Variants in PLOD1 observed in about 807,000 individuals in gnomAD.
The protein encoded by PLOD1 is procollagen-lysine,2-oxoglutarate 5-dioxygenase 1, also known as lysine hydroxylase.
A neutral mutation model predicts 94.7 loss-of-function variants in PLOD1; 70 were observed. The observed-to-expected ratio is 0.74, with a 90% confidence interval of 0.61 to 0.90. PLOD1 has a LOEUF of 0.90. PLOD1 is among the 40% of genes least tolerant of loss of function. The pLI, the probability that PLOD1 is intolerant of heterozygous loss-of-function variation, is 0.00. For synonymous variants in PLOD1, 417 were observed against 400.2 expected, an observed-to-expected ratio of 1.04 and a Z score of -0.50; for missense variants, 905 against 972.7, an observed-to-expected ratio of 0.93 and a Z score of 0.93.
At chr1:11,961,210 C>A (rs1415586730) in intron 10 of PLOD1, among the ~76,000 whole-genome samples, 1 of 137,394 alleles carries the variant, frequency 7.3e-6, no homozygotes, top group Non-Finnish European at 1.5e-5. Flanking sequence ...ATAGCGAGAC[C>A]CTATCTCTTC....
intron 13 of PLOD1, 41 bp from the exon 14 acceptor site, chr1:11,965,439 G>A: frequency 8.6e-7 from 1 of 1,164,886 alleles, no homozygotes; most frequent in Non-Finnish European, 1.3e-6. Context: ...GGCAGGGGAG[G>A]GGTGGGGGAG....
chr1:11,951,325 G>A (rs2100745001), intron 4 of PLOD1, among the ~76,000 whole-genome samples: 1 of 151,946 alleles, frequency 6.6e-6, no homozygotes, highest in Non-Finnish European at 1.5e-5. Flanking sequence ...CAGCACTTTG[G>A]GAAGCCGAGG....
intron 11 of PLOD1, 76 bp from the exon 12 acceptor site, chr1:11,964,099 C>T (rs563288696): frequency 8.3e-6 from 12 of 1,437,214 alleles, no homozygotes; most frequent in South Asian, 3.4e-5. Context: ...GCACCTACCT[C>T]CCCCCATCCC....
chr1:11,955,334 G>T (rs1230558141), intron 6 of PLOD1, among the ~76,000 whole-genome samples: 1 of 152,244 alleles, frequency 6.6e-6, no homozygotes, highest in Non-Finnish European at 1.5e-5. Flanking sequence ...CCTCATGTCT[G>T]TGGCTGGTGA....
rs1294857899 is a variant in PLOD1, at chr1:11,975,362, G to A, written c.*554G>A. 5.0e-6 allele frequency: 1 copy of A among 201,202 alleles called. No homozygotes were observed. The highest frequency in any genetic ancestry group is 1.0e-5 in the Non-Finnish European group (1 of 97,060). The allele number at this position is 201,202 out of a possible 1,614,324, so 12.5% of individuals were successfully genotyped here. ...TAGTCCCCTGGAGACAGCGACTCCA[G>A]AGAACCTCTTGGGAGACAGAAGAGG... is the stretch of plus-strand genomic sequence containing the variant. On this transcript the variant is annotated 3_prime_UTR_variant, in exon 19 of 19. Coordinates refer to ENST00000196061, the MANE Select transcript of PLOD1 (RefSeq NM_000302.4).
chr1:11,967,838 C>T (rs1044598187), intron 16 of PLOD1, among the ~76,000 whole-genome samples: 3 of 150,830 alleles, frequency 2.0e-5, no homozygotes, highest in Admixed American at 6.6e-5. Flanking sequence ...CAACCTCTGC[C>T]TCCCAGGTTC....
At position 11,952,686 on chromosome 1, in the gene PLOD1, A is replaced by G. The variant is rs1645711388; in HGVS notation, c.530A>G (p.Asp177Gly). 1 of 1,613,964 alleles carries G rather than the reference A, an allele frequency of 6.2e-7. No individual in the cohort carries two copies. Among genetic ancestry groups the G allele is most frequent in the African/African-American group, 1.3e-5 (1 of 74,922 alleles). ...GCCGAGTGGGAGGGCCAGGACAGCG[A>G]CAGCGATCAGCTGTTTTACACCAAG... ...LVAEWEGQDS[D>G]SDQLFYTKIF... Residue 177 changes from aspartate (D) to glycine (G), a missense_variant, in exon 5 of 19, where the codon GAC becomes GGC. Physicochemically the swap from Asp to Gly is moderately conservative, Grantham distance 94. Coordinates refer to ENST00000196061, the MANE Select transcript of PLOD1 (RefSeq NM_000302.4).
chr1:11,937,214 G>A (rs913127096), intron 1 of PLOD1, among the ~76,000 whole-genome samples: 2 of 152,196 alleles, frequency 1.3e-5, no homozygotes, highest in African/African-American at 2.4e-5. Context: ...GTCTCCCAGT[G>A]GTAAAGCCGG....
intron 17 of PLOD1, chr1:11,971,601 C>G (rs1479263232): frequency 6.5e-6 from 1 of 152,838 alleles, no homozygotes; most frequent in Non-Finnish European, 1.5e-5. Flanking sequence ...TTCCTGACCT[C>G]AAGTAATCCG....
In PLOD1 at chr1:11,958,830, A is replaced by T. The variant is rs114126326; in HGVS notation, c.975+183A>T. On this transcript the variant is annotated intron_variant, in intron 9 of 18. Transcript: ENST00000196061. This position sits in a 1 kb window ranked among gnomAD's most constrained non-coding sequence, Gnocchi z 4.3. Reference sequence around the variant, plus strand: ...TTGGAGTCAGACTGGGTGAGTTTGAATCCCAGCGCCGCTATTTTATTGGCT... The same window carrying T: ...TTGGAGTCAGACTGGGTGAGTTTGATTCCCAGCGCCGCTATTTTATTGGCT... Among the ~76,000 whole-genome samples the T allele has an allele frequency of 0.017, 2,658 of 152,224 alleles. 81 individuals carry two copies. The highest frequency in any genetic ancestry group is 0.06 in the African/African-American group (2,494 of 41,522).
intron 6 of PLOD1, among the ~76,000 whole-genome samples, chr1:11,955,238 G>C (rs1645730243): frequency 6.6e-6 from 1 of 152,254 alleles, no homozygotes; most frequent in South Asian, 2.1e-4. Context: ...TCCTGGGCTA[G>C]GGGCAGGAAC....
intron 6 of PLOD1, among the ~76,000 whole-genome samples, chr1:11,955,622 C>CT (rs985175057): frequency 1.3e-4 from 19 of 151,024 alleles, no homozygotes; most frequent in African/African-American, 3.9e-4. Flanking sequence ...ATCTGTTTTC[C>CT]TTTTTTTTTC....
chr1:11,943,292 T>C (rs999848241), intron 1 of PLOD1, among the ~76,000 whole-genome samples: 10 of 138,106 alleles, frequency 7.2e-5, no homozygotes, highest in Admixed American at 2.1e-4. Flanking sequence ...CCGGCTTTTT[T>C]TTTCTTTCTT....
At position 11,958,653 on chromosome 1, in the gene PLOD1, T is replaced by C. The variant is rs1645756775; in HGVS notation, c.975+6T>C. ...GACTTTTCATCCACAACCACGTGAG[T>C]AACAGGCGCTCTGTGGGGTCGTCAT... is the stretch of plus-strand genomic sequence containing the variant. On this transcript the variant is annotated splice_donor_region_variant and intron_variant, in intron 9 of 18. Coordinates refer to ENST00000196061, the MANE Select transcript of PLOD1 (RefSeq NM_000302.4). The surrounding 1 kb of genome is among the most constrained non-coding windows in gnomAD (Gnocchi z 4.3). The C allele has an allele frequency of 1.2e-6, 2 of 1,613,804 alleles. No individual in the cohort carries two copies. The highest frequency in any genetic ancestry group is 1.7e-6 in the Non-Finnish European group (2 of 1,180,002).
chr1:11,944,785 G>T, intron 1 of PLOD1: 2 of 671,812 alleles, frequency 3.0e-6, no homozygotes, highest in Non-Finnish European at 4.3e-6. Flanking sequence ...CCTGGGGCCA[G>T]CTCCCTGCCC....
intron 5 of PLOD1, 115 bp downstream of exon 5, chr1:11,952,850 C>G: frequency 1.4e-6 from 1 of 716,844 alleles, no homozygotes; most frequent in South Asian, 1.5e-5. Flanking sequence ...TCTATGCAGG[C>G]TGCTCTGACA....
intron 6 of PLOD1, among the ~76,000 whole-genome samples, chr1:11,956,152 G>A (rs1186606821): frequency 6.6e-6 from 1 of 152,074 alleles, no homozygotes; most frequent in Non-Finnish European, 1.5e-5. Flanking sequence ...GGGAGGCCAA[G>A]GCGGGTGGAT....
chr1:11,963,650 G>T lies in PLOD1; in HGVS notation c.1202+14G>T. On this transcript the variant is annotated intron_variant, in intron 11 of 18. Transcript: ENST00000196061. The surrounding 1 kb of genome is among the most constrained non-coding windows in gnomAD (Gnocchi z 4.3). ...CCAACAGAACAAGTGAGGCTGCTCC[G>T]TCTGCACCCAGCACTGCTCAGGACT... The T allele has an allele frequency of 6.5e-7, 1 of 1,548,958 alleles. No homozygotes were observed. Among genetic ancestry groups the T allele is most frequent in the Non-Finnish European group, 8.8e-7 (1 of 1,135,776 alleles).
chr1:11,955,230 C>T (rs1210890556), intron 6 of PLOD1, among the ~76,000 whole-genome samples: 2 of 152,218 alleles, frequency 1.3e-5, no homozygotes, highest in Non-Finnish European at 1.5e-5. Context: ...TGAAGGAGTC[C>T]TGGGCTAGGG....
Sources: allele counts gnomAD v4.1 joint callset (sites outside exome capture counted in the v4.1 genomes callset), GRCh38; gene constraint gnomAD v4.1.1; non-coding constraint Gnocchi (gnomAD v3.1); transcripts MANE v1.5; gene names NCBI Gene and HGNC (gene_info 2026-07-23, HGNC 2026-07-21).